Variants in NCAM2 observed in about 807,000 individuals in gnomAD.
NCAM2 encodes N-CAM-2.
In NCAM2, 30 loss-of-function variants were observed where a neutral mutation model predicts 98.1. The ratio of observed to expected loss-of-function variants is 0.31; its 90% CI spans 0.23 to 0.41. The LOEUF (loss-of-function observed/expected upper bound fraction) is 0.41. Among genes scored for constraint, NCAM2 ranks in the 10% least tolerant of loss-of-function variants. The probability of loss-of-function intolerance (pLI) is 1.00; values close to 1 mark genes in which losing one functional copy is unlikely to be tolerated. For missense variants in NCAM2, 867 were observed against 1,005.8 expected, an observed-to-expected ratio of 0.86 and a Z score of 1.87; for synonymous variants, 368 against 342.4, an observed-to-expected ratio of 1.07 and a Z score of -0.83.
intron 16 of NCAM2, among the ~76,000 whole-genome samples, chr21:21,533,166 C>CTGTTTTTTTTTTT (rs1989800550): frequency 1.1e-5 from 1 of 93,804 alleles, no homozygotes; most frequent in Non-Finnish European, 2.1e-5. Context: ...TGTTTGCTTG[C>CTGTTTTTTTTTTT]TTTTTTTTTT....
At chr21:21,518,799 A>G (rs1197187568) in intron 16 of NCAM2, among the ~76,000 whole-genome samples, 1 of 152,148 alleles carries the variant, frequency 6.6e-6, no homozygotes, top group Non-Finnish European at 1.5e-5. Context: ...AGCAAAGCAA[A>G]CAATAATTTT....
chr21:21,210,213 C>T (rs946164240), intron 1 of NCAM2, among the ~76,000 whole-genome samples: 2 of 152,164 alleles, frequency 1.3e-5, no homozygotes, highest in African/African-American at 2.4e-5. Context: ...TTTGGCAAGA[C>T]TGTATCCATT....
chr21:21,475,320 T>A (rs1248455778), intron 14 of NCAM2, among the ~76,000 whole-genome samples: 1 of 152,140 alleles, frequency 6.6e-6, no homozygotes, highest in Non-Finnish European at 1.5e-5. Context: ...TGTGCCTCCA[T>A]TCCACCTTCT....
intron 5 of NCAM2, among the ~76,000 whole-genome samples, chr21:21,312,810 A>G (rs1411016538): frequency 6.6e-6 from 1 of 151,886 alleles, no homozygotes; most frequent in Non-Finnish European, 1.5e-5. Context: ...TTCTTCTTTA[A>G]ATATTTTTTA....
In NCAM2 at chr21:21,468,716, A is replaced by C. The variant is rs1373560589; in HGVS notation, c.1829A>C (p.Lys610Thr). The change falls in exon 14 of 18, where the codon AAA (lysine) becomes ACA (threonine). Residue 610 changes from lysine (K) to threonine (T), a missense_variant. Lys to Thr is a moderately conservative substitution (Grantham distance 78). Coordinates refer to ENST00000400546, the MANE Select transcript of NCAM2 (RefSeq NM_004540.5). ...HGQPSSGKSF[K>T]LSITKQDDGG... ...CAGCCAAGCAGTGGAAAGAGCTTTA[A>C]ACTCAGCATCACCAAACAGGACGAT... 1 of 1,612,022 alleles carries C rather than the reference A, an allele frequency of 6.2e-7. No homozygotes were observed. The highest frequency in any genetic ancestry group is 8.5e-7 in the Non-Finnish European group (1 of 1,178,790).
intron 12 of NCAM2, among the ~76,000 whole-genome samples, chr21:21,446,183 G>A (rs117729925): frequency 0.054 from 8,228 of 152,120 alleles, 297 homozygotes; most frequent in African/African-American, 0.088. Flanking sequence ...GGCTTGTAGC[G>A]TTTCTGCTGA....
intron 1 of NCAM2, among the ~76,000 whole-genome samples, chr21:21,167,342 A>G (rs1262349868): frequency 2.0e-5 from 3 of 152,120 alleles, no homozygotes; most frequent in Admixed American, 6.5e-5. Flanking sequence ...TTACTTCTAT[A>G]TAATGGTTTA....
intron 11 of NCAM2, among the ~76,000 whole-genome samples, chr21:21,424,995 C>T (rs2077183316): frequency 7.6e-6 from 1 of 130,934 alleles, no homozygotes; most frequent in African/African-American, 2.9e-5. Context: ...GAGATCACAC[C>T]ATTACACTCT....
intron 1 of NCAM2, among the ~76,000 whole-genome samples, chr21:21,234,741 G>T (rs1266126018): frequency 6.6e-6 from 1 of 151,874 alleles, no homozygotes; most frequent in Non-Finnish European, 1.5e-5. Context: ...AGCAGAGGGA[G>T]CTTTTAAGCA....
rs1303234574 is a variant in NCAM2 at position 21,268,488 on chromosome 21, C to T, written c.56-12090C>T. Among the ~76,000 whole-genome samples, 4 of 152,130 alleles carry T rather than the reference C, an allele frequency of 2.6e-5. No homozygotes were observed. In the East Asian group the frequency reaches 5.8e-4, roughly 22 times the overall value. On this transcript the variant is annotated intron_variant, in intron 1 of 17. Transcript: ENST00000400546. ...GATCACTGTCTTGGGAGTTGCCTCACGCTGTTTTCTCTCTCTCAAACACAT... is the reference window on the plus strand; with the variant it reads ...GATCACTGTCTTGGGAGTTGCCTCATGCTGTTTTCTCTCTCTCAAACACAT...
chr21:21,142,350 T>C (rs1319711537), intron 1 of NCAM2, among the ~76,000 whole-genome samples: 1 of 150,516 alleles, frequency 6.6e-6, no homozygotes, highest in Non-Finnish European at 1.5e-5. Context: ...ACTTCACTTT[T>C]TAAATTATTT....
intron 1 of NCAM2, among the ~76,000 whole-genome samples, chr21:21,132,919 T>C (rs1228450905): frequency 6.6e-6 from 1 of 152,226 alleles, no homozygotes; most frequent in African/African-American, 2.4e-5. Flanking sequence ...TAACCACTTT[T>C]CTATCTTCTG....
Position 20,998,635 on chromosome 21 carries a change from T to A in NCAM2, c.55+17T>A, listed in dbSNP as rs770964201. On this transcript the variant is annotated intron_variant, in intron 1 of 17. Coordinates refer to ENST00000400546, the MANE Select transcript of NCAM2 (RefSeq NM_004540.5). ...GCGGGCAAGGTAGGAGTGTGGCGCTTTATTGCATTTACTTTCCCTCCCCCT... is the reference window on the plus strand; with the variant it reads ...GCGGGCAAGGTAGGAGTGTGGCGCTATATTGCATTTACTTTCCCTCCCCCT... 4 of 1,612,690 alleles carry A rather than the reference T, an allele frequency of 2.5e-6. No individual in the cohort carries two copies. In the African/African-American group the frequency reaches 5.3e-5, roughly 22 times the overall value.
chr21:21,117,866 T>C (rs993789705), intron 1 of NCAM2, among the ~76,000 whole-genome samples: 2 of 152,210 alleles, frequency 1.3e-5, no homozygotes, highest in Admixed American at 1.3e-4. Flanking sequence ...TAAACAAGGA[T>C]ATGGCTTAGT....
chr21:20,998,700 GA>G, intron 1 of NCAM2, 82 bp downstream of exon 1: 1 of 1,312,892 alleles, frequency 7.6e-7, no homozygotes, highest in South Asian at 1.2e-5. Context: ...GGCGCAGGAA[GA>G]ATGAAATGAA....
At chr21:21,192,091 C>T (rs1319597466) in intron 1 of NCAM2, among the ~76,000 whole-genome samples, 3 of 152,088 alleles carry the variant, frequency 2.0e-5, no homozygotes, top group South Asian at 2.1e-4. Flanking sequence ...GGCATGGTGG[C>T]GCGCTGCTCT....
At chr21:21,291,177 A>G (rs79989994) in intron 4 of NCAM2, among the ~76,000 whole-genome samples, 2,669 of 152,016 alleles carry the variant, frequency 0.018, 86 homozygotes, top group East Asian at 0.14. Flanking sequence ...TCTTATATAC[A>G]GTATCCAGCA....
rs150895712 is a variant in NCAM2, at chr21:21,184,091, G to T, written c.56-96487G>T. On this transcript the variant is annotated intron_variant, in intron 1 of 17. Coordinates refer to ENST00000400546, the MANE Select transcript of NCAM2 (RefSeq NM_004540.5). ...TATAGTAATACAAGTATTACTTGGG[G>T]AATGTGTTTGGGCTTTGGAGGAATT... Among the ~76,000 whole-genome samples the T allele has an allele frequency of 2.3e-3, 353 of 152,118 alleles. 2 individuals are homozygous for T. The highest frequency in any genetic ancestry group is 8.0e-3 in the African/African-American group (331 of 41,528).
rs538069113 is a variant in NCAM2, at chr21:21,502,395, T to G, written c.2078-6456T>G. On this transcript the variant is annotated intron_variant, in intron 15 of 17. Transcript: ENST00000400546. ...TAAAATATTCTTAACTTAATTTCAC[T>G]TCATAAGATTCCACAAAAGTATTGT... is the stretch of plus-strand genomic sequence containing the variant. Among the ~76,000 whole-genome samples, 3 of 152,086 alleles carry G rather than the reference T, an allele frequency of 2.0e-5. No homozygotes were observed. In the East Asian group the frequency reaches 5.8e-4, roughly 29 times the overall value.
Sources: gnomAD v4.1 joint callset for allele counts (sites outside exome capture counted in the v4.1 genomes callset) on GRCh38, gnomAD v4.1.1 for gene constraint, MANE v1.5 for transcripts, NCBI Gene and HGNC (gene_info 2026-07-23, HGNC 2026-07-21) for gene names.